The following CCDC73 variants were observed in gnomAD, a reference collection of about 807,000 sequenced individuals.
CCDC73 encodes coiled-coil domain containing 73.
A neutral mutation model predicts 116.5 loss-of-function variants in CCDC73; 95 were observed. That is an observed-to-expected ratio of 0.82 (90% CI 0.69 to 0.97). CCDC73 has a LOEUF of 0.97. CCDC73 is among the 50% of genes least tolerant of loss of function. CCDC73 has a pLI of 0.00. For synonymous variants in CCDC73, 398 were observed against 401.3 expected, an observed-to-expected ratio of 0.99 and a Z score of 0.10; for missense variants, 1,066 against 1,206.8, an observed-to-expected ratio of 0.88 and a Z score of 1.73.
the CCDC73 span, among the ~76,000 whole-genome samples, chr11:32,814,987 C>G: frequency 3.3e-5 from 5 of 152,058 alleles, no homozygotes; most frequent in Non-Finnish European, 7.4e-5. Flanking sequence ...CAAATCCACA[C>G]AGACAGAAGG....
At chr11:32,814,677 G>GTA in the CCDC73 span, among the ~76,000 whole-genome samples, 1 of 152,008 alleles carries the variant, frequency 6.6e-6, no homozygotes, top group Non-Finnish European at 1.5e-5. Flanking sequence ...CCCCTTGTAG[G>GTA]TATATATCCA....
chr11:32,684,934 C>A (rs989864979), intron 6 of CCDC73, among the ~76,000 whole-genome samples: 3 of 152,012 alleles, frequency 2.0e-5, no homozygotes, highest in East Asian at 3.9e-4. Flanking sequence ...TGAATTGAGA[C>A]TGCGCCAGTG....
chr11:32,664,320 T>A (rs1855959452), intron 9 of CCDC73, among the ~76,000 whole-genome samples: 1 of 152,324 alleles, frequency 6.6e-6, no homozygotes, highest in Admixed American at 6.5e-5. Context: ...TGGACTTTTT[T>A]TGGTTGGTAG....
At chr11:32,758,428 AAGG>A (rs1400963729) in intron 2 of CCDC73, 2 of 487,448 alleles carry the variant, frequency 4.1e-6, no homozygotes, top group Non-Finnish European at 8.1e-6. Context: ...AGTAGATTTC[AAGG>A]AGTTTGTGCT....
At chr11:32,830,442 C>A in the CCDC73 span, 1 of 1,220,494 alleles carries the variant, frequency 8.2e-7, no homozygotes, top group Non-Finnish European at 1.1e-6. Flanking sequence ...TGATTCAGTT[C>A]GACAGAAACT....
At chr11:32,771,854 A>C (rs1229246349) in intron 1 of CCDC73, among the ~76,000 whole-genome samples, 1 of 152,206 alleles carries the variant, frequency 6.6e-6, no homozygotes, top group Non-Finnish European at 1.5e-5. Flanking sequence ...CTCCACTAGG[A>C]TTGCCTTACA....
At chr11:32,625,108 CT>C (rs1205885846) in intron 14 of CCDC73, among the ~76,000 whole-genome samples, 1 of 152,130 alleles carries the variant, frequency 6.6e-6, no homozygotes, top group African/African-American at 2.4e-5. Context: ...CAACCCCTGC[CT>C]TTTTTTGTTT....
chr11:32,772,163 T>C (rs1443385314), intron 1 of CCDC73, among the ~76,000 whole-genome samples: 3 of 152,248 alleles, frequency 2.0e-5, no homozygotes, highest in South Asian at 4.1e-4. Flanking sequence ...TGATTTGCTA[T>C]GCAGCCACAG....
At chr11:32,687,005 A>G (rs774872001) in intron 6 of CCDC73, among the ~76,000 whole-genome samples, 11 of 152,230 alleles carry the variant, frequency 7.2e-5, no homozygotes, top group Non-Finnish European at 1.2e-4. Flanking sequence ...CCTTCACTTT[A>G]TGGAAAATTA....
At chr11:32,610,458 T>C (rs1855410336) in intron 17 of CCDC73, among the ~76,000 whole-genome samples, 1 of 152,240 alleles carries the variant, frequency 6.6e-6, no homozygotes, top group Non-Finnish European at 1.5e-5. Context: ...GTTAGTACTA[T>C]AATATTCATT....
At chr11:32,719,391 C>T (rs920536242) in intron 2 of CCDC73, among the ~76,000 whole-genome samples, 1 of 152,062 alleles carries the variant, frequency 6.6e-6, no homozygotes, top group African/African-American at 2.4e-5. Flanking sequence ...ACTAGCTGAC[C>T]ACTAATATAA....
intron 1 of CCDC73, among the ~76,000 whole-genome samples, chr11:32,784,035 TAAAA>T (rs1374068789): frequency 6.6e-6 from 1 of 152,104 alleles, no homozygotes; most frequent in Non-Finnish European, 1.5e-5. Context: ...ATTAATACAT[TAAAA>T]AGAAAGCAGG....
intron 3 of CCDC73, among the ~76,000 whole-genome samples, chr11:32,706,881 C>T (rs577749243): frequency 6.6e-6 from 1 of 152,248 alleles, no homozygotes; most frequent in African/African-American, 2.4e-5. Flanking sequence ...TAAGTTCTCT[C>T]CTGTTTTTTA....
chr11:32,624,237 G>A (rs1855548413), intron 14 of CCDC73, among the ~76,000 whole-genome samples: 1 of 152,050 alleles, frequency 6.6e-6, no homozygotes, highest in Non-Finnish European at 1.5e-5. Flanking sequence ...CTACCCGGGA[G>A]GCTGAGGCAG....
At chr11:32,652,182 T>C (rs1457867991) in intron 12 of CCDC73, among the ~76,000 whole-genome samples, 3 of 152,012 alleles carry the variant, frequency 2.0e-5, no homozygotes, top group African/African-American at 7.2e-5. Context: ...TGGGCACCTG[T>C]AATTCCAGCT....
At chr11:32,750,031 C>T (rs1483547750) in intron 2 of CCDC73, among the ~76,000 whole-genome samples, 3 of 99,624 alleles carry the variant, frequency 3.0e-5, no homozygotes, top group Non-Finnish European at 4.4e-5. Flanking sequence ...CCACTACGCC[C>T]GGCTAATTTT....
intron 7 of CCDC73, chr11:32,682,139 CTGTT>C (rs1290142409): frequency 6.6e-6 from 1 of 151,520 alleles, no homozygotes; most frequent in Non-Finnish European, 1.5e-5. Flanking sequence ...TTGTAAGTAT[CTGTT>C]TGATGAAATT....
chr11:32,769,183 G>A (rs1850471010), intron 1 of CCDC73, among the ~76,000 whole-genome samples: 1 of 152,260 alleles, frequency 6.6e-6, no homozygotes, highest in Non-Finnish European at 1.5e-5. Flanking sequence ...CTTTATCTGT[G>A]TAACAAACCT....
the CCDC73 span, among the ~76,000 whole-genome samples, chr11:32,828,566 G>A: frequency 6.6e-6 from 1 of 151,378 alleles, no homozygotes. Flanking sequence ...TCCCCAGCAA[G>A]TGCCAGACCA....
Sources: allele counts gnomAD v4.1 joint callset (sites outside exome capture counted in the v4.1 genomes callset), GRCh38; gene constraint gnomAD v4.1.1; transcripts MANE v1.5; gene names NCBI Gene and HGNC (gene_info 2026-07-23, HGNC 2026-07-21).